Variants in PUDP observed in about 807,000 individuals in gnomAD.
PUDP encodes pseudouridine-5'-phosphatase.
A neutral mutation model predicts 9.4 loss-of-function variants in PUDP; 8 were observed. The ratio of observed to expected loss-of-function variants is 0.85; its 90% CI spans 0.50 to 1.53. The LOEUF (loss-of-function observed/expected upper bound fraction) is 1.53, where lower values mean the gene tolerates loss of function less well. Ranked by LOEUF, PUDP falls within the 40% of genes most tolerant of loss-of-function variation. The pLI is 0.00. For missense variants in PUDP, 188 were observed against 189.7 expected, an observed-to-expected ratio of 0.99 and a Z score of 0.05; for synonymous variants, 99 against 80.7, an observed-to-expected ratio of 1.23 and a Z score of -1.22.
intron 3 of PUDP, chrX:7,057,727 G>GAA (rs1249299093): frequency 8.7e-7 from 1 of 1,150,757 alleles, no homozygotes; most frequent in East Asian, 3.3e-5. Context: ...TCAGAGCAGA[G>GAA]AAGCAGTTGA....
chrX:7,025,535 G>A (rs757170932), intron 1 of PUDP, among the ~76,000 whole-genome samples: 1 of 111,799 alleles, frequency 8.9e-6, no homozygotes, highest in Non-Finnish European at 1.9e-5. Flanking sequence ...GTGAAGCCTT[G>A]CACACATCAC....
intron 3 of PUDP, among the ~76,000 whole-genome samples, chrX:6,780,099 G>GA (rs1012305016): frequency 1.2e-5 from 1 of 83,295 alleles, no homozygotes; most frequent in Non-Finnish European, 2.6e-5. Context: ...AAAAGCAAAG[G>GA]AAAAAATCCT....
chrX:7,143,673 A>T (rs1932819397), intron 1 of PUDP, among the ~76,000 whole-genome samples: 1 of 112,232 alleles, frequency 8.9e-6, no homozygotes. Context: ...TTTCTCCAAC[A>T]TACAATATAG....
intron 3 of PUDP, among the ~76,000 whole-genome samples, chrX:6,962,111 TGA>T (rs1928717651): frequency 8.9e-6 from 1 of 111,880 alleles, no homozygotes; most frequent in African/African-American, 3.2e-5. Flanking sequence ...ACAACATTCT[TGA>T]GAGTGTTGAG....
intron 1 of PUDP, among the ~76,000 whole-genome samples, chrX:7,028,860 C>T (rs192647431): frequency 1.8e-5 from 2 of 111,646 alleles, no homozygotes; most frequent in Admixed American, 1.9e-4. Flanking sequence ...AAGGTGTGAG[C>T]GGGGCTGGTT....
At chrX:6,755,512 G>A (rs867989559) in intron 3 of PUDP, among the ~76,000 whole-genome samples, 4 of 111,641 alleles carry the variant, frequency 3.6e-5, no homozygotes, top group African/African-American at 9.8e-5. Context: ...AGTGATTCCC[G>A]AATTTTTAAG....
intron 3 of PUDP, among the ~76,000 whole-genome samples, chrX:6,768,483 C>T (rs1012290604): frequency 1.5e-4 from 17 of 111,990 alleles, no homozygotes; most frequent in Admixed American, 1.3e-3. Context: ...TAATTTCGGA[C>T]TCAGGATTGT....
chrX:7,092,704 T>G (rs1337396275), intron 2 of PUDP, among the ~76,000 whole-genome samples: 1 of 111,569 alleles, frequency 9.0e-6, no homozygotes, highest in African/African-American at 3.3e-5. Flanking sequence ...GTAGGCGTGG[T>G]GCGAGGTACT....
chrX:7,063,413 C>T (rs1930461426), intron 3 of PUDP, among the ~76,000 whole-genome samples: 1 of 111,528 alleles, frequency 9.0e-6, no homozygotes, highest in African/African-American at 3.3e-5. Flanking sequence ...AATGATGTTA[C>T]TATCACTTTT....
At chrX:7,122,022 C>CA (rs1425777018) in intron 1 of PUDP, among the ~76,000 whole-genome samples, 2 of 111,120 alleles carry the variant, frequency 1.8e-5, no homozygotes, top group Non-Finnish European at 3.8e-5. Context: ...CCTGTCTCTA[C>CA]AAAAAACATT....
At chrX:6,901,383 C>T (rs929157692) in intron 3 of PUDP, among the ~76,000 whole-genome samples, 2 of 112,176 alleles carry the variant, frequency 1.8e-5, no homozygotes, top group Admixed American at 9.4e-5. Flanking sequence ...CTACAGCCAA[C>T]GATCAAAGAT....
intron 3 of PUDP, among the ~76,000 whole-genome samples, chrX:6,751,816 G>A (rs751562886): frequency 2.4e-4 from 27 of 111,141 alleles, no homozygotes; most frequent in African/African-American, 8.2e-4. Flanking sequence ...GAGGAATTTA[G>A]CCGAGCACTC....
intron 1 of PUDP, among the ~76,000 whole-genome samples, chrX:6,983,798 T>C (rs1489940603): frequency 8.9e-6 from 1 of 112,382 alleles, no homozygotes; most frequent in Non-Finnish European, 1.9e-5. Flanking sequence ...ATCCTCTCCA[T>C]AGGGCATAGG....
intron 3 of PUDP, among the ~76,000 whole-genome samples, chrX:6,951,031 G>A (rs1365719299): frequency 9.0e-6 from 1 of 110,512 alleles, no homozygotes; most frequent in Non-Finnish European, 1.9e-5. Context: ...ACTTTGGAAT[G>A]AAACAACATC....
At chrX:6,771,035 T>C (rs1242509385) in intron 3 of PUDP, among the ~76,000 whole-genome samples, 1 of 111,896 alleles carries the variant, frequency 8.9e-6, no homozygotes, top group Non-Finnish European at 1.9e-5. Context: ...AAACTCTTCC[T>C]CTGAGTTCTA....
chrX:6,852,044 C>A (rs1189799281), intron 3 of PUDP, among the ~76,000 whole-genome samples: 2 of 112,313 alleles, frequency 1.8e-5, no homozygotes, highest in Admixed American at 9.4e-5. Context: ...AGCCTCTGGT[C>A]TTTTTCTACT....
Position 6,734,309 on chromosome X carries a change from T to C in PUDP, c.*248-27843A>G, listed in dbSNP as rs900048621. On this transcript the variant is annotated intron_variant and NMD_transcript_variant, in intron 3 of 3. Transcript: ENST00000655425. The stretch of plus-strand genomic sequence containing the variant: ...GGTGACTATAGTTAATAAAAATTTA[T>C]TGCATATTTCAAAATAGGTAAGAGA... 6.3e-5 allele frequency among the ~76,000 whole-genome samples: 7 copies of C among 111,998 alleles called. No individual in the cohort carries two copies. In the East Asian group the frequency reaches 2.0e-3, roughly 31 times the overall value.
At chrX:6,727,240 AAG>A (rs1924749837) in intron 3 of PUDP, among the ~76,000 whole-genome samples, 2 of 107,818 alleles carry the variant, frequency 1.9e-5, no homozygotes, top group Admixed American at 1.9e-4. Context: ...GATGGAGAGA[AAG>A]AGAGATTGCT....
chrX:6,765,039 C>T lies in PUDP; in HGVS notation c.*248-58573G>A, dbSNP rs978073171. ...CCCAGCAATTTGGGAGGCCGAGGCA[C>T]GAGGATCGCTTGAGCCCAGGAGTTT... On this transcript the variant is annotated intron_variant and NMD_transcript_variant, in intron 3 of 3. Transcript: ENST00000655425. 5.6e-5 allele frequency among the ~76,000 whole-genome samples: 6 copies of T among 108,011 alleles called. No homozygotes were observed. The East Asian group carries it at 8.7e-4, about 16-fold the overall frequency. The allele number at this position is 108,011 out of a possible 115,157, so 93.8% of individuals were successfully genotyped here.
Sources: gnomAD v4.1 joint callset for allele counts (sites outside exome capture counted in the v4.1 genomes callset) on GRCh38, gnomAD v4.1.1 for gene constraint, MANE v1.5 for transcripts, NCBI Gene and HGNC (gene_info 2026-07-23, HGNC 2026-07-21) for gene names.